OPN5: variants seen among roughly 807,000 people sequenced by gnomAD.
OPN5 encodes opsin-5.
Under a neutral mutation model 41.7 loss-of-function variants are expected in OPN5, and 18 were observed. The ratio of observed to expected loss-of-function variants is 0.43; its 90% CI spans 0.30 to 0.64. OPN5 has a LOEUF of 0.64. OPN5 is among the 30% of genes least tolerant of loss of function. The probability of loss-of-function intolerance (pLI) is 0.13; values close to 1 mark genes in which losing one functional copy is unlikely to be tolerated. For missense variants in OPN5, 318 were observed against 434.5 expected (o/e 0.73, Z 2.38); for synonymous variants, 178 against 164.3 (o/e 1.08, Z -0.64).
intron 4 of OPN5, among the ~76,000 whole-genome samples, chr6:47,797,666 G>T (rs888105233): frequency 6.6e-6 from 1 of 152,192 alleles, no homozygotes; most frequent in African/African-American, 2.4e-5. Flanking sequence ...GCATACAGTT[G>T]CTGAAATGTC....
chr6:47,790,334 C>A (rs1332071303), intron 2 of OPN5, among the ~76,000 whole-genome samples: 1 of 151,942 alleles, frequency 6.6e-6, no homozygotes, highest in African/African-American at 2.4e-5. Flanking sequence ...GAGCATGGAA[C>A]CTTGGTTGCT....
intron 2 of OPN5, among the ~76,000 whole-genome samples, chr6:47,789,520 T>C (rs924905869): frequency 2.0e-5 from 3 of 152,150 alleles, no homozygotes; most frequent in Non-Finnish European, 4.4e-5. Context: ...TTGAAAAATT[T>C]GTTGTTGAAT....
At position 47,811,747 on chromosome 6, in the gene OPN5, C is replaced by T; in HGVS notation, c.1056+16C>T. The T allele has an allele frequency of 1.9e-6, 3 of 1,575,474 alleles. No individual in the cohort carries two copies. Among genetic ancestry groups the T allele is most frequent in the East Asian group, 2.2e-5 (1 of 44,678 alleles). The stretch of plus-strand genomic sequence containing the variant: ...TCATGAAGAGGTATGAAGATGGATA[C>T]AGCATCACTATGGACACTCGTATTC... On this transcript the variant is annotated intron_variant, in intron 6 of 6. Transcript: ENST00000371211.
At chr6:47,823,185 A>C (rs912099103) in intron 6 of OPN5, among the ~76,000 whole-genome samples, 1 of 152,226 alleles carries the variant, frequency 6.6e-6, no homozygotes, top group Non-Finnish European at 1.5e-5. Flanking sequence ...AGGAGCTTAT[A>C]CTTAAACAGA....
chr6:47,783,204 T>G (rs970254520), intron 1 of OPN5, among the ~76,000 whole-genome samples: 1 of 152,158 alleles, frequency 6.6e-6, no homozygotes, highest in Non-Finnish European at 1.5e-5. Flanking sequence ...TAACCACCTA[T>G]TTAAATTTAA....
chr6:47,808,510 G>A, intron 5 of OPN5, 115 bp downstream of exon 5: 5 of 1,102,564 alleles, frequency 4.5e-6, no homozygotes, highest in Non-Finnish European at 6.6e-6. Context: ...CCTAGGAGTA[G>A]TGTAGGAAGG....
At chr6:47,808,467 G>T (rs1210686720) in intron 5 of OPN5, 72 bp downstream of exon 5, 1 of 1,532,662 alleles carries the variant, frequency 6.5e-7, no homozygotes, top group East Asian at 2.2e-5. Flanking sequence ...AAGGTACTCA[G>T]ATGTGCTGTC....
At chr6:47,795,778 TCACACACACACACA>T (rs57933636) in intron 4 of OPN5, among the ~76,000 whole-genome samples, 1 of 142,804 alleles carries the variant, frequency 7.0e-6, no homozygotes, top group Non-Finnish European at 1.5e-5. Flanking sequence ...TCTCTCTCTC[TCACACACACACACA>T]CACACACACA....
At chr6:47,807,819 G>A (rs561971163) in intron 4 of OPN5, among the ~76,000 whole-genome samples, 7 of 151,838 alleles carry the variant, frequency 4.6e-5, no homozygotes, top group Non-Finnish European at 1.0e-4. Flanking sequence ...AGTGAATGTG[G>A]GTTGAGAAGT....
chr6:47,811,200 G>A (rs767506907), intron 5 of OPN5, among the ~76,000 whole-genome samples: 10 of 152,088 alleles, frequency 6.6e-5, no homozygotes, highest in Non-Finnish European at 1.3e-4. Flanking sequence ...ATTTGATTGG[G>A]GGTATGCAGT....
chr6:47,811,835 T>C (rs1774217659), intron 6 of OPN5, 104 bp downstream of exon 6: 3 of 666,936 alleles, frequency 4.5e-6, no homozygotes, highest in East Asian at 2.9e-5. Flanking sequence ...CTTTATATTA[T>C]ATTTTTATAT....
intron 6 of OPN5, among the ~76,000 whole-genome samples, 153 bp from the exon 7 acceptor site, chr6:47,823,830 C>T (rs990189420): frequency 5.9e-5 from 9 of 152,038 alleles, no homozygotes; most frequent in African/African-American, 1.4e-4. Context: ...TCTGTGGGTT[C>T]GGGGAGAAGC....
chr6:47,825,429 G>A (rs1762762566), downstream of OPN5: 1 of 152,172 alleles, frequency 6.6e-6, no homozygotes, highest in Admixed American at 6.5e-5. Context: ...TTTTCTTAAT[G>A]TAATAAGTTA....
chr6:47,793,074 A>G (rs570427549), intron 3 of OPN5, among the ~76,000 whole-genome samples: 3 of 151,804 alleles, frequency 2.0e-5, no homozygotes, highest in Non-Finnish European at 4.4e-5. Context: ...CCAGTAAGAT[A>G]TAAAATATAC....
chr6:47,783,793 T>G (rs1301619602), intron 1 of OPN5, among the ~76,000 whole-genome samples: 1 of 152,198 alleles, frequency 6.6e-6, no homozygotes, highest in Non-Finnish European at 1.5e-5. Flanking sequence ...TAAACTTAAG[T>G]ACTTTCAATT....
At position 47,796,259 on chromosome 6, in the gene OPN5, A is replaced by G. The variant is rs78059123; in HGVS notation, c.756+696A>G. Reference sequence around the variant, plus strand: ...CCTCACTTGCATAACAGGAATAGTGATATCTGTCTTATTGGGTTACGGTGG... The same window carrying G: ...CCTCACTTGCATAACAGGAATAGTGGTATCTGTCTTATTGGGTTACGGTGG... On this transcript the variant is annotated intron_variant, in intron 4 of 6. Transcript: ENST00000371211. Among the ~76,000 whole-genome samples, 696 of 152,154 alleles carry G rather than the reference A, an allele frequency of 4.6e-3. 2 individuals are homozygous for G. The highest frequency in any genetic ancestry group is 0.024 in the Middle Eastern group (7 of 294).
intron 6 of OPN5, among the ~76,000 whole-genome samples, chr6:47,822,048 G>T (rs1301729787): frequency 6.6e-6 from 1 of 151,142 alleles, no homozygotes; most frequent in Non-Finnish European, 1.5e-5. Context: ...GAAGGTGAAG[G>T]TTGCAGCAAG....
intron 6 of OPN5, among the ~76,000 whole-genome samples, chr6:47,821,656 A>G (rs1010573314): frequency 8.5e-5 from 13 of 152,222 alleles, no homozygotes; most frequent in African/African-American, 2.4e-4. Flanking sequence ...TTTAAATCCT[A>G]TAGTTTCAGG....
At chr6:47,808,051 T>C (rs1774043583) in intron 4 of OPN5, 103 bp from the exon 5 acceptor site, 1 of 1,044,286 alleles carries the variant, frequency 9.6e-7, no homozygotes, top group Non-Finnish European at 1.5e-6. Context: ...ACAGACTTTC[T>C]TGGCTGTGAG....
Sources: allele counts gnomAD v4.1 joint callset (sites outside exome capture counted in the v4.1 genomes callset), GRCh38; gene constraint gnomAD v4.1.1; transcripts MANE v1.5; gene names NCBI Gene and HGNC (gene_info 2026-07-23, HGNC 2026-07-21).